The following JARID2 variants were observed in gnomAD, a reference collection of about 807,000 sequenced individuals.
JARID2 encodes protein Jumonji.
JARID2 carries 21 observed loss-of-function variants against 125.6 expected under a neutral mutation model. That is an observed-to-expected ratio of 0.17 (90% confidence interval 0.12 to 0.24). The LOEUF is 0.24. JARID2 is among the 10% of genes least tolerant of loss of function. The pLI is 1.00. For missense variants in JARID2, 1,303 were observed against 1,639.6 expected, an observed-to-expected ratio of 0.79 and a Z score of 3.55; for synonymous variants, 736 against 661.6, an observed-to-expected ratio of 1.11 and a Z score of -1.73.
At chr6:15,386,276 T>C (rs1363657957) in intron 2 of JARID2, among the ~76,000 whole-genome samples, 1 of 141,816 alleles carries the variant, frequency 7.1e-6, no homozygotes, top group African/African-American at 2.6e-5. Flanking sequence ...CCCCCTTCCT[T>C]TCCCCCTCTC....
At chr6:15,251,303 A>G (rs189033167) in intron 1 of JARID2, among the ~76,000 whole-genome samples, 1 of 152,374 alleles carries the variant, frequency 6.6e-6, no homozygotes, top group Admixed American at 6.5e-5. Flanking sequence ...GGCGTGAGCC[A>G]CTGCACCCAG....
intron 1 of JARID2, among the ~76,000 whole-genome samples, chr6:15,256,337 C>T (rs988603543): frequency 1.3e-5 from 2 of 152,140 alleles, no homozygotes; most frequent in Non-Finnish European, 2.9e-5. Flanking sequence ...CTACCTCTGT[C>T]CTATATTAGC....
chr6:15,246,472 C>T lies in JARID2; in HGVS notation c.-68C>T, dbSNP rs1390899182. ...TAAAAACCACCAGGATATTTTTTTGCAAATTTCTGACGGCTTTAAATTCAT... is the reference window on the plus strand; with the variant it reads ...TAAAAACCACCAGGATATTTTTTTGTAAATTTCTGACGGCTTTAAATTCAT... On this transcript the variant is annotated 5_prime_UTR_variant, in exon 1 of 18. Coordinates refer to ENST00000341776, the MANE Select transcript of JARID2 (RefSeq NM_004973.4). 2 of 1,437,540 alleles carry T rather than the reference C, an allele frequency of 1.4e-6. No homozygotes were observed. Among genetic ancestry groups the T allele is most frequent in the Non-Finnish European group, 1.9e-6 (2 of 1,031,654 alleles). The allele number at this position is 1,437,540 out of a possible 1,614,324, so 89.0% of individuals were successfully genotyped here. A position where few individuals can be genotyped will look rare whatever the true frequency, so the allele number is the denominator to read the frequency against.
At chr6:15,305,233 A>G (rs942701942) in intron 1 of JARID2, among the ~76,000 whole-genome samples, 6 of 152,176 alleles carry the variant, frequency 3.9e-5, no homozygotes, top group East Asian at 1.9e-4. Context: ...TGGCCATTGA[A>G]GATTGATGTT....
rs1432581311 is a variant in JARID2, at chr6:15,246,219, A to AG, written c.-313dup. On this transcript the variant is annotated 5_prime_UTR_variant, in exon 1 of 18. Coordinates refer to ENST00000341776, the MANE Select transcript of JARID2 (RefSeq NM_004973.4). ...CGCTGATGTAGTTTTTGGAGGAAAA[A>AG]GGGGGGGGAGTGAAGGGCGTCGGTT... 104 of 460,358 alleles carry AG rather than the reference A, an allele frequency of 2.3e-4. No homozygotes were observed. The highest frequency in any genetic ancestry group is 5.7e-4 in the Middle Eastern group (1 of 1,752). The allele number at this position is 460,358 out of a possible 1,614,324, so 28.5% of individuals were successfully genotyped here.
At chr6:15,464,913 T>C (rs2237136) in intron 4 of JARID2, among the ~76,000 whole-genome samples, 100,745 of 152,012 alleles carry the variant, frequency 0.66, 33,569 homozygotes, top group Admixed American at 0.73. Flanking sequence ...TGTTCTTTCT[T>C]ACCTCTGACT....
chr6:15,284,511 C>T (rs1760916538), intron 1 of JARID2, among the ~76,000 whole-genome samples: 1 of 140,300 alleles, frequency 7.1e-6, no homozygotes, highest in African/African-American at 2.6e-5. Context: ...TTTTATAATC[C>T]TTTTTTTTTT....
intron 1 of JARID2, chr6:15,248,718 C>G: frequency 6.0e-6 from 1 of 167,100 alleles, no homozygotes; most frequent in Non-Finnish European, 1.2e-5. Flanking sequence ...TTCCCCGACG[C>G]TCCCGGCCGC....
chr6:15,398,214 T>C (rs1378906363), intron 2 of JARID2, among the ~76,000 whole-genome samples: 1 of 152,246 alleles, frequency 6.6e-6, no homozygotes, highest in African/African-American at 2.4e-5. Context: ...TTCACAGATA[T>C]TCTTTATATC....
At chr6:15,248,213 C>A in intron 1 of JARID2, 1 of 461,500 alleles carries the variant, frequency 2.2e-6, no homozygotes, top group Non-Finnish European at 2.8e-6. Flanking sequence ...CTCGAGCCGG[C>A]TGCGAAAGGG....
intron 1 of JARID2, among the ~76,000 whole-genome samples, chr6:15,269,276 T>G (rs1760204284): frequency 6.6e-6 from 1 of 151,684 alleles, no homozygotes; most frequent in African/African-American, 2.4e-5. Flanking sequence ...GCATTCTTGT[T>G]GGGGGGGGCG....
At position 15,450,263 on chromosome 6, in the gene JARID2, G is replaced by C. The variant is rs12197673; in HGVS notation, c.324-1743G>C. Among the ~76,000 whole-genome samples the C allele has an allele frequency of 8.2e-3, 1,245 of 151,976 alleles. 10 individuals carry two copies. The highest frequency in any genetic ancestry group is 0.013 in the Non-Finnish European group (902 of 67,978). The stretch of plus-strand genomic sequence containing the variant: ...TGGCTCACTGCAATCTTCACCTCCC[G>C]GGTTCCAGCGATTCTCCTGCCTCAG... On this transcript the variant is annotated intron_variant, in intron 3 of 17. Coordinates refer to ENST00000341776, the MANE Select transcript of JARID2 (RefSeq NM_004973.4).
chr6:15,379,411 G>A (rs1764495278), intron 2 of JARID2, among the ~76,000 whole-genome samples: 1 of 152,124 alleles, frequency 6.6e-6, no homozygotes. Context: ...CTGAGACCTT[G>A]GCCACTCTTT....
Position 15,350,771 on chromosome 6 carries a change from C to A in JARID2, c.46-23346C>A, listed in dbSNP as rs1285164273. The stretch of plus-strand genomic sequence containing the variant: ...TTTTGAATTAACAAAGGCATAGAAA[C>A]TGAGTGGCAGCAGGCTGTACATTTG... On this transcript the variant is annotated intron_variant, in intron 1 of 17. Coordinates refer to ENST00000341776, the MANE Select transcript of JARID2 (RefSeq NM_004973.4). Among the ~76,000 whole-genome samples, 9 of 120,246 alleles carry A rather than the reference C, an allele frequency of 7.5e-5. 1 individual carries two copies. The highest frequency in any genetic ancestry group is 1.3e-4 in the Non-Finnish European group (8 of 60,438). 78.9% of individuals were successfully genotyped at this position (120,246 alleles called of 152,430 possible).
At chr6:15,248,837 C>T in intron 1 of JARID2, 7 of 884,046 alleles carry the variant, frequency 7.9e-6, no homozygotes, top group Non-Finnish European at 9.5e-6. Context: ...GGCGGGGCGG[C>T]GGGGGGAGGA....
At chr6:15,517,565 C>G (rs940294561) in intron 17 of JARID2, among the ~76,000 whole-genome samples, 2 of 152,142 alleles carry the variant, frequency 1.3e-5, no homozygotes, top group African/African-American at 4.8e-5. Context: ...GTGGTTTAGA[C>G]CCAGACCCTT....
chr6:15,395,916 G>A (rs751098016), intron 2 of JARID2, among the ~76,000 whole-genome samples: 4 of 152,168 alleles, frequency 2.6e-5, no homozygotes, highest in Non-Finnish European at 4.4e-5. Context: ...GCCCGCCTTG[G>A]CCTCCCTAAG....
rs536764112 is a variant in JARID2, at chr6:15,287,695, C to A, written c.45+41111C>A. Reference sequence around the variant, plus strand: ...CTGCAGTTGCTGCCTTTGTCTGGAGCTATCCCACTGTTGTCAGGGGAGTCT... The same window carrying A: ...CTGCAGTTGCTGCCTTTGTCTGGAGATATCCCACTGTTGTCAGGGGAGTCT... On this transcript the variant is annotated intron_variant, in intron 1 of 17. Coordinates refer to ENST00000341776, the MANE Select transcript of JARID2 (RefSeq NM_004973.4). 1.1e-4 allele frequency among the ~76,000 whole-genome samples: 16 copies of A among 152,332 alleles called. 1 individual carries two copies. The highest frequency in any genetic ancestry group is 3.4e-4 in the African/African-American group (14 of 41,574).
chr6:15,448,345 A>G (rs1767765731), intron 3 of JARID2, among the ~76,000 whole-genome samples: 1 of 152,182 alleles, frequency 6.6e-6, no homozygotes, highest in Admixed American at 6.5e-5. Flanking sequence ...CTGAAATTGT[A>G]AAATATCTCA....
Sources: gnomAD v4.1 joint callset for allele counts (sites outside exome capture counted in the v4.1 genomes callset) on GRCh38, gnomAD v4.1.1 for gene constraint, MANE v1.5 for transcripts, NCBI Gene and HGNC (gene_info 2026-07-23, HGNC 2026-07-21) for gene names.